ZNF48: variants seen among roughly 807,000 people sequenced by gnomAD.
ZNF48 encodes the protein zinc finger protein 48, also known as zinc finger protein 553.
In ZNF48, 20 loss-of-function variants were observed where a neutral mutation model predicts 40.0. The observed-to-expected ratio is 0.50, with a 90% CI of 0.35 to 0.73. The LOEUF is 0.73. Among genes scored for constraint, ZNF48 ranks in the 30% least tolerant of loss-of-function variants. The pLI, the probability that ZNF48 is intolerant of heterozygous loss-of-function variation, is 0.01. For missense variants in ZNF48, 726 were observed against 851.9 expected (o/e 0.85, Z 1.84); for synonymous variants, 298 against 329.7 (o/e 0.90, Z 1.04).
At chr16:30,391,221 G>A (rs1382479029), upstream of ZNF48, among the ~76,000 whole-genome samples, 1 of 151,962 alleles carries the variant, frequency 6.6e-6, no homozygotes, top group East Asian at 1.9e-4. Flanking sequence ...TTGAGACGGA[G>A]TCTCACTCTG....
At position 30,397,926 on chromosome 16, in the gene ZNF48, G is replaced by A. The variant is rs199713417; in HGVS notation, c.676G>A (p.Gly226Ser). 1.8e-5 allele frequency: 29 copies of A among 1,613,156 alleles called. 1 individual carries two copies. The East Asian group carries it at 6.2e-4, about 35-fold the overall frequency. The change falls in exon 3 of 3, where the codon GGC becomes AGC. Residue 226 changes from glycine (G) to serine (S), a missense_variant. By Grantham distance (56) the Gly-to-Ser change is moderately conservative. Coordinates refer to ENST00000613509, the MANE Select transcript of ZNF48 (RefSeq NM_001214909.2). The surrounding 1 kb of genome is among the most constrained non-coding windows in gnomAD (Gnocchi z 4.1). Reference protein sequence around the residue: ...GEKPYKCGICGKGFGDSSARI... With the variant: ...GEKPYKCGICSKGFGDSSARI... ...GAAGCCCTACAAGTGTGGCATATGT[G>A]GCAAGGGCTTTGGCGACAGTTCCGC...
intron 1 of ZNF48, among the ~76,000 whole-genome samples, chr16:30,388,069 C>T (rs909063564): frequency 5.3e-5 from 8 of 151,396 alleles, no homozygotes; most frequent in African/African-American, 1.7e-4. Context: ...TGAGTTCAAG[C>T]GATTCTCCTA....
At position 30,399,111 on chromosome 16, in the gene ZNF48, G is replaced by T; in HGVS notation, c.*4G>T. Reference sequence around the variant, plus strand: ...GGCAGCAACAGGACTGGAATGACGCGGTCCAGGGAGGGCGGAGGCCCAGGA... The same window carrying T: ...GGCAGCAACAGGACTGGAATGACGCTGTCCAGGGAGGGCGGAGGCCCAGGA... On this transcript the variant is annotated 3_prime_UTR_variant, in exon 3 of 3. Transcript: ENST00000613509. The T allele has an allele frequency of 1.3e-6, 2 of 1,562,016 alleles. No homozygotes were observed. The highest frequency in any genetic ancestry group is 1.2e-5 in the South Asian group (1 of 84,276).
At chr16:30,389,853 T>TTTTTTTTA (rs2049929394) in intron 1 of ZNF48, among the ~76,000 whole-genome samples, 15 of 138,184 alleles carry the variant, frequency 1.1e-4, no homozygotes, top group Non-Finnish European at 1.4e-4. Flanking sequence ...TTTTTTTTTT[T>TTTTTTTTA]AGAAACAGGG....
At chr16:30,388,981 C>T (rs2049921206) in intron 1 of ZNF48, among the ~76,000 whole-genome samples, 2 of 152,006 alleles carry the variant, frequency 1.3e-5, no homozygotes, top group Non-Finnish European at 2.9e-5. Flanking sequence ...GCTCTTGTGG[C>T]CGGGTGTGGT....
intron 1 of ZNF48, among the ~76,000 whole-genome samples, chr16:30,388,420 T>C (rs2049917368): frequency 6.6e-6 from 1 of 152,230 alleles, no homozygotes; most frequent in Admixed American, 6.5e-5. Context: ...GATCTTGCTA[T>C]GTTGCCCTGG....
chr16:30,392,550 T>G (rs960696908), upstream of ZNF48, among the ~76,000 whole-genome samples: 21 of 152,198 alleles, frequency 1.4e-4, no homozygotes, highest in African/African-American at 4.8e-4. Context: ...GTCTGGACTT[T>G]GCCGAAATCA....
rs7197374 is a variant in ZNF48 at position 30,381,565 on chromosome 16, C to A, written c.-16+3155C>A. ...GGACTGTGGGAGTAGAATGTCATTT[C>A]TTTGGCTCCCTCCAAAGACATTAAG... is the stretch of plus-strand genomic sequence containing the variant. On this transcript the variant is annotated intron_variant, in intron 1 of 2. Coordinates refer to the ZNF48 transcript ENST00000528032. This position sits in a 1 kb window ranked among gnomAD's most constrained non-coding sequence, Gnocchi z 4.3. 2 of 1,536,386 alleles carry A rather than the reference C, an allele frequency of 1.3e-6. No homozygotes were observed. Among genetic ancestry groups the A allele is most frequent in the South Asian group, 2.3e-5 (2 of 85,510 alleles).
At position 30,399,094 on chromosome 16, in the gene ZNF48, C is replaced by G; in HGVS notation, c.1844C>G (p.Thr615Arg). The G allele has an allele frequency of 6.3e-7, 1 of 1,592,272 alleles. No individual in the cohort carries two copies. The highest frequency in any genetic ancestry group is 8.6e-7 in the Non-Finnish European group (1 of 1,168,988). ...RARPLKQEAA[T>R]GLE ...AGGCCCCTCAAGCAGGAGGCAGCAA[C>G]AGGACTGGAATGACGCGGTCCAGGG... The change falls in exon 3 of 3, where the codon ACA (threonine) becomes AGA (arginine). Residue 615 changes from threonine to arginine, a missense_variant. By Grantham distance (71) the Thr-to-Arg change is moderately conservative. Transcript: ENST00000613509.
In ZNF48 at chr16:30,397,755, A is replaced by G. The variant is rs762608355; in HGVS notation, c.505A>G (p.Arg169Gly). ...GACTCATAGTGGGGAGAAGCCCTATAGAGCCCGGCCACCAGCCCAGGGTCC... is the reference window on the plus strand; with the variant it reads ...GACTCATAGTGGGGAGAAGCCCTATGGAGCCCGGCCACCAGCCCAGGGTCC... ...QRTHSGEKPY[R>G]ARPPAQGPPK... The change falls in exon 3 of 3, where the codon AGA (arginine) becomes GGA (glycine). Residue 169 changes from arginine (R) to glycine (G), a missense_variant. Around this residue, in one of 5 missense-constraint regions of ZNF48, gnomAD observed 378 missense variants for 449.1 expected, o/e 0.84. Transcript: ENST00000613509. This position sits in a 1 kb window ranked among gnomAD's most constrained non-coding sequence, Gnocchi z 4.1. 1 of 1,613,294 alleles carries G rather than the reference A, an allele frequency of 6.2e-7. No homozygotes were observed. The highest frequency in any genetic ancestry group is 1.1e-5 in the South Asian group (1 of 91,056).
chr16:30,396,398 A>G (rs759358473), intron 2 of ZNF48, among the ~76,000 whole-genome samples: 1 of 151,926 alleles, frequency 6.6e-6, no homozygotes, highest in Admixed American at 6.6e-5. Flanking sequence ...CTTATCTCCT[A>G]TCTCTCTTGT....
intron 2 of ZNF48, among the ~76,000 whole-genome samples, chr16:30,396,688 CTTTTTTTTTTT>C (rs1167683501): frequency 1.8e-5 from 2 of 112,064 alleles, no homozygotes; most frequent in East Asian, 4.7e-4. Context: ...CGCTTTGCTA[CTTTTTTTTTTT>C]TTTTTTTTTT....
At chr16:30,383,822 C>G (rs1374408809) in intron 1 of ZNF48, among the ~76,000 whole-genome samples, 3 of 152,212 alleles carry the variant, frequency 2.0e-5, no homozygotes, top group Non-Finnish European at 2.9e-5. Flanking sequence ...TTTTCTGAAT[C>G]AGTTAAACTC....
At position 30,398,608 on chromosome 16, in the gene ZNF48, G is replaced by A. The variant is rs1328655595; in HGVS notation, c.1358G>A (p.Cys453Tyr). 6.2e-7 allele frequency: 1 copy of A among 1,612,634 alleles called. No individual in the cohort carries two copies. Among genetic ancestry groups the A allele is most frequent in the African/African-American group, 1.3e-5 (1 of 74,922 alleles). The change falls in exon 3 of 3, where the codon TGC becomes TAC. Residue 453 changes from cysteine (C) to tyrosine (Y), a missense_variant. Physicochemically the swap from Cys to Tyr is radical, Grantham distance 194 (BLOSUM62 -2). Coordinates refer to ENST00000613509, the MANE Select transcript of ZNF48 (RefSeq NM_001214909.2). The surrounding 1 kb of genome is among the most constrained non-coding windows in gnomAD (Gnocchi z 6.6). ...CTGGCGGGCGACAAGCCCCACAAGT[G>A]CCCTGAGTGTGGCAAGGGCTTCCGC... ...PPLAGDKPHK[C>Y]PECGKGFRRS... is the part of the protein sequence containing the mutation.
intron 1 of ZNF48, among the ~76,000 whole-genome samples, chr16:30,389,698 TATG>T (rs1178858274): frequency 2.6e-5 from 4 of 151,790 alleles, no homozygotes; most frequent in Non-Finnish European, 4.4e-5. Context: ...GAATCATTCA[TATG>T]ATATTTGGGG....
intron 1 of ZNF48, among the ~76,000 whole-genome samples, chr16:30,383,625 G>A (rs1044971999): frequency 3.3e-5 from 5 of 152,270 alleles, no homozygotes; most frequent in Middle Eastern, 3.4e-3. Flanking sequence ...ACCACTGCCC[G>A]AGAGATTTTC....
chr16:30,389,736 CA>C (rs2049927699), intron 1 of ZNF48, among the ~76,000 whole-genome samples: 1 of 147,432 alleles, frequency 6.8e-6, no homozygotes, highest in Admixed American at 6.9e-5. Context: ...CAAAGGAAGG[CA>C]GTACCTTGAG....
At chr16:30,380,670 T>C in intron 1 of ZNF48, 1 of 175,084 alleles carries the variant, frequency 5.7e-6, no homozygotes, top group Non-Finnish European at 1.2e-5. Context: ...CTCAAGAGGC[T>C]GAGGCAGGAG....
chr16:30,395,918 TG>T lies in ZNF48; in HGVS notation c.79+49del. 2 of 1,464,042 alleles carry T rather than the reference TG, an allele frequency of 1.4e-6. No individual in the cohort carries two copies. 90.7% of individuals were successfully genotyped at this position (1,464,042 alleles called of 1,614,324 possible). On this transcript the variant is annotated intron_variant, in intron 2 of 2. Coordinates refer to ENST00000613509, the MANE Select transcript of ZNF48 (RefSeq NM_001214909.2). This position sits in a 1 kb window ranked among gnomAD's most constrained non-coding sequence, Gnocchi z 5.9. ...GCCGCCACGGACAGGTAACGGCCGG[TG>T]GGGACTGCGATGCTTGGCTGTGGCC...
Sources: gnomAD v4.1 joint callset for allele counts (sites outside exome capture counted in the v4.1 genomes callset) on GRCh38, gnomAD v4.1.1 for gene constraint, gnomAD v4.1.1 regional missense constraint, Gnocchi (gnomAD v3.1) non-coding constraint, MANE v1.5 for transcripts, NCBI Gene and HGNC (gene_info 2026-07-23, HGNC 2026-07-21) for gene names.